RALGAPA2: variants seen among roughly 807,000 people sequenced by gnomAD.
RALGAPA2 encodes the protein Ral GTPase activating protein catalytic subunit alpha 2.
A neutral mutation model predicts 230.4 loss-of-function variants in RALGAPA2; 139 were observed. The observed-to-expected ratio is 0.60, with a 90% CI of 0.53 to 0.69. The LOEUF is 0.69. RALGAPA2 is among the 30% of genes least tolerant of loss of function. RALGAPA2 has a pLI of 0.00. For synonymous variants in RALGAPA2, 847 were observed against 837.8 expected (o/e 1.01, Z -0.19); for missense variants, 2,163 against 2,276.0 (o/e 0.95, Z 1.01).
chr20:20,505,184 G>A (rs1261559182), intron 34 of RALGAPA2: 5 of 983,390 alleles, frequency 5.1e-6, no homozygotes, highest in East Asian at 2.3e-4. Flanking sequence ...CTGATAAAAA[G>A]CAAATGAAAA....
intron 4 of RALGAPA2, 97 bp downstream of exon 4, chr20:20,653,433 T>C (rs925208671): frequency 1.4e-6 from 1 of 732,338 alleles, no homozygotes; most frequent in Non-Finnish European, 2.3e-6. Context: ...AATATTCCTT[T>C]CTATAAGCTA....
intron 37 of RALGAPA2, among the ~76,000 whole-genome samples, chr20:20,469,121 G>A (rs994983421): frequency 7.2e-5 from 11 of 152,086 alleles, no homozygotes; most frequent in Admixed American, 2.0e-4. Flanking sequence ...TATTCCTAGC[G>A]GCAACGACTG....
chr20:20,595,610 A>G (rs1171204353), intron 16 of RALGAPA2, among the ~76,000 whole-genome samples: 1 of 152,200 alleles, frequency 6.6e-6, no homozygotes, highest in Admixed American at 6.5e-5. Context: ...AAAATCTACT[A>G]TCTGTAAGTG....
intron 16 of RALGAPA2, among the ~76,000 whole-genome samples, chr20:20,595,027 TA>T (rs1775969951): frequency 6.6e-6 from 1 of 152,114 alleles, no homozygotes; most frequent in Non-Finnish European, 1.5e-5. Context: ...CCTAAACTAT[TA>T]CTTTCTAAAG....
At chr20:20,626,509 T>C (rs2066494073) in intron 10 of RALGAPA2, among the ~76,000 whole-genome samples, 1 of 152,272 alleles carries the variant, frequency 6.6e-6, no homozygotes, top group African/African-American at 2.4e-5. Context: ...GAATTTAGAT[T>C]GGGTTTAATA....
chr20:20,654,627 T>C (rs972376991), intron 3 of RALGAPA2, among the ~76,000 whole-genome samples: 3 of 152,246 alleles, frequency 2.0e-5, no homozygotes, highest in African/African-American at 7.2e-5. Context: ...CCACATTTTC[T>C]ATATCCATTC....
chr20:20,524,947 TTGTAAGCCTA>T (rs1312349197), intron 28 of RALGAPA2, 49 bp from the exon 29 acceptor site: 7 of 1,522,978 alleles, frequency 4.6e-6, no homozygotes, highest in African/African-American at 1.4e-5. Flanking sequence ...TTGTAAGCCT[TTGTAAGCCTA>T]TGTTAGGAGT....
intron 23 of RALGAPA2, among the ~76,000 whole-genome samples, chr20:20,554,580 G>C (rs1431894710): frequency 2.0e-5 from 3 of 152,068 alleles, no homozygotes; most frequent in Non-Finnish European, 2.9e-5. Flanking sequence ...TATTTGGGCT[G>C]TCTTTTTGTT....
intron 9 of RALGAPA2, 165 bp downstream of exon 9, chr20:20,635,253 C>G (rs2066818535): frequency 2.8e-6 from 2 of 703,634 alleles, no homozygotes; most frequent in Admixed American, 3.2e-5. Context: ...ACTCACAACT[C>G]CCTCTGAAAC....
intron 39 of RALGAPA2, among the ~76,000 whole-genome samples, chr20:20,395,212 C>G (rs2059686403): frequency 6.6e-6 from 1 of 152,232 alleles, no homozygotes; most frequent in Non-Finnish European, 1.5e-5. Flanking sequence ...TGGGCTGCAG[C>G]CAGTGCCACA....
chr20:20,712,603 T>TGCCGCTGCTGCC lies in RALGAPA2; in HGVS notation c.-124_-123insGGCAGCAGCGGC, dbSNP rs1555833908. 1 of 1,171,346 alleles carries TGCCGCTGCTGCC rather than the reference T, an allele frequency of 8.5e-7. No individual in the cohort carries two copies. The highest frequency in any genetic ancestry group is 1.6e-5 in the African/African-American group (1 of 61,396). The allele number at this position is 1,171,346 out of a possible 1,614,324, so 72.6% of individuals were successfully genotyped here. A position where few individuals can be genotyped will look rare whatever the true frequency, so the allele number is the denominator to read the frequency against. ...CACTCGCCGCCCCCAGCCCCGCTGCTGCCGCCGCCGCCGCCGCCGCCGCCG... is the reference window on the plus strand; with the variant it reads ...CACTCGCCGCCCCCAGCCCCGCTGCTGCCGCTGCTGCCGCCGCCGCCGCCGCCGCCGCCGCCG... On this transcript the variant is annotated 5_prime_UTR_variant, in exon 1 of 40. Coordinates refer to ENST00000202677, the MANE Select transcript of RALGAPA2 (RefSeq NM_020343.4). This position sits in a 1 kb window ranked among gnomAD's most constrained non-coding sequence, Gnocchi z 5.5.
chr20:20,511,471 A>C (rs2062702926), intron 32 of RALGAPA2, 146 bp from the exon 33 acceptor site: 2 of 1,316,566 alleles, frequency 1.5e-6, no homozygotes, highest in Non-Finnish European at 2.0e-6. Context: ...TACAGAATGA[A>C]CTCCATCCTC....
chr20:20,585,045 GA>G, intron 18 of RALGAPA2, 90 bp from the exon 19 acceptor site: 1 of 684,754 alleles, frequency 1.5e-6, no homozygotes, highest in Middle Eastern at 2.7e-4. Flanking sequence ...TAAAGAAAAA[GA>G]AACAAATAAT....
At chr20:20,495,366 G>C (rs1253756266) in intron 35 of RALGAPA2, 91 bp from the exon 36 acceptor site, 4 of 1,182,802 alleles carry the variant, frequency 3.4e-6, no homozygotes, top group Non-Finnish European at 4.5e-6. Context: ...AAAACTCAAA[G>C]GCCAAAAAAA....
intron 1 of RALGAPA2, among the ~76,000 whole-genome samples, chr20:20,700,828 C>T (rs1014231555): frequency 6.6e-6 from 1 of 152,180 alleles, no homozygotes; most frequent in African/African-American, 2.4e-5. Flanking sequence ...AACCACCACT[C>T]TTAATTCATG....
At chr20:20,627,919 A>C (rs772235816) in intron 10 of RALGAPA2, among the ~76,000 whole-genome samples, 1 of 152,206 alleles carries the variant, frequency 6.6e-6, no homozygotes, top group Non-Finnish European at 1.5e-5. Context: ...CAAGTGTAGA[A>C]TTACAGCAGA....
chr20:20,532,579 G>C (rs2063394202), intron 26 of RALGAPA2, among the ~76,000 whole-genome samples: 1 of 152,186 alleles, frequency 6.6e-6, no homozygotes. Flanking sequence ...GGAGACTCAA[G>C]GGCTCAGTTA....
At chr20:20,421,762 C>A (rs1038860938) in intron 37 of RALGAPA2, among the ~76,000 whole-genome samples, 2 of 152,272 alleles carry the variant, frequency 1.3e-5, no homozygotes, top group African/African-American at 4.8e-5. Context: ...TATTATCCAG[C>A]AATTCTACTC....
At chr20:20,401,539 G>GTT (rs2059838267) in intron 38 of RALGAPA2, among the ~76,000 whole-genome samples, 1 of 152,068 alleles carries the variant, frequency 6.6e-6, no homozygotes, top group Non-Finnish European at 1.5e-5. Context: ...AGGAGTGACC[G>GTT]GGGCAGTGAG....
Sources: allele counts gnomAD v4.1 joint callset (sites outside exome capture counted in the v4.1 genomes callset), GRCh38; gene constraint gnomAD v4.1.1; non-coding constraint Gnocchi (gnomAD v3.1); transcripts MANE v1.5; gene names NCBI Gene and HGNC (gene_info 2026-07-23, HGNC 2026-07-21).